TTC34: variants seen among roughly 807,000 people sequenced by gnomAD.
The protein encoded by TTC34 is tetratricopeptide repeat protein 34.
Under a neutral mutation model 40.7 loss-of-function variants are expected in TTC34, and 44 were observed. The ratio of observed to expected loss-of-function variants is 1.08; its 90% CI spans 0.85 to 1.39. TTC34 has a LOEUF of 1.39. Among genes scored for constraint, TTC34 ranks in the 40% most tolerant of loss-of-function variants. TTC34 has a pLI of 0.00. For synonymous variants in TTC34, 422 were observed against 398.6 expected, an observed-to-expected ratio of 1.06 and a Z score of -0.70; for missense variants, 884 against 838.0, an observed-to-expected ratio of 1.05 and a Z score of -0.68.
At position 2,755,698 on chromosome 1, in the gene TTC34, C is replaced by T. The variant is rs1207191146; in HGVS notation, c.2226+27911G>A. ...GCATCTGACATCGTGGAGCAGCACC[C>T]CAAACCCACAGGTGAGCATCCGACA... On this transcript the variant is annotated intron_variant, in intron 6 of 8. Coordinates refer to ENST00000401095, the Ensembl canonical transcript of TTC34. Among the ~76,000 whole-genome samples, 186 of 110,500 alleles carry T rather than the reference C, an allele frequency of 1.7e-3. 31 individuals carry two copies. Among genetic ancestry groups the T allele is most frequent in the African/African-American group, 7.2e-3 (173 of 23,954 alleles). 72.5% of individuals were successfully genotyped at this position (110,500 alleles called of 152,430 possible).
At chr1:2,652,940 T>A (rs55689720) in intron 6 of TTC34, among the ~76,000 whole-genome samples, 580 of 150,190 alleles carry the variant, frequency 3.9e-3, no homozygotes, top group African/African-American at 0.014. Flanking sequence ...CAGGCGAGCA[T>A]CTGACAGCCT....
intron 6 of TTC34, among the ~76,000 whole-genome samples, chr1:2,684,003 G>C (rs1640204511): frequency 6.7e-6 from 1 of 150,010 alleles, no homozygotes; most frequent in African/African-American, 2.5e-5. Flanking sequence ...ACCCCCAGGT[G>C]AGCATCTGAC....
At chr1:2,695,519 C>A (rs1374771469) in intron 6 of TTC34, among the ~76,000 whole-genome samples, 1 of 54,702 alleles carries the variant, frequency 1.8e-5, no homozygotes, top group Non-Finnish European at 4.1e-5. Context: ...ACCACACCCC[C>A]AGGCGAGTAT....
intron 6 of TTC34, among the ~76,000 whole-genome samples, chr1:2,686,718 C>G (rs993540111): frequency 1.4e-5 from 2 of 144,100 alleles, no homozygotes; most frequent in African/African-American, 2.6e-5. Flanking sequence ...GAACAGCACA[C>G]ACACCCCCAG....
At chr1:2,750,306 C>A (rs1479628101) in intron 6 of TTC34, among the ~76,000 whole-genome samples, 1 of 86,396 alleles carries the variant, frequency 1.2e-5, no homozygotes, top group South Asian at 4.3e-4. Context: ...ATCTGACAGA[C>A]TGGAACTGCA....
intron 6 of TTC34, among the ~76,000 whole-genome samples, chr1:2,781,721 A>G (rs1482980376): frequency 2.0e-5 from 3 of 152,178 alleles, no homozygotes; most frequent in Non-Finnish European, 4.4e-5. Context: ...GAGTATTCTT[A>G]TCATAAAAGG....
chr1:2,641,465 A>AC lies in TTC34; in HGVS notation c.3142dup (p.Val1048GlyfsTer48). 2.0e-6 allele frequency: 3 copies of AC among 1,535,598 alleles called. No homozygotes were observed. The highest frequency in any genetic ancestry group is 2.6e-6 in the Non-Finnish European group (3 of 1,146,672). ...GGGGTCCACCAGGAGGCCGCTCTCTACCGCCGTCCAGGCCTCTGCGTGACG... is the reference window on the plus strand; with the variant it reads ...GGGGTCCACCAGGAGGCCGCTCTCTACCCGCCGTCCAGGCCTCTGCGTGACG... On this transcript the variant is annotated frameshift_variant, in exon 9 of 9. Coordinates refer to ENST00000401095, the Ensembl canonical transcript of TTC34. LOFTEE classifies it high-confidence loss of function.
intron 6 of TTC34, among the ~76,000 whole-genome samples, chr1:2,698,535 T>C (rs796519672): frequency 2.6e-5 from 3 of 117,440 alleles, no homozygotes; most frequent in Admixed American, 8.2e-5. Context: ...CACCCCCAGG[T>C]GAGCATCGGG....
intron 5 of TTC34, among the ~76,000 whole-genome samples, chr1:2,784,130 C>T (rs1427586968): frequency 6.6e-6 from 1 of 152,062 alleles, no homozygotes; most frequent in Non-Finnish European, 1.5e-5. Context: ...TTACTGCATA[C>T]AAGACGAGGG....
intron 6 of TTC34, among the ~76,000 whole-genome samples, chr1:2,759,163 G>A (rs1178058249): frequency 0.011 from 529 of 47,134 alleles, no homozygotes; most frequent in East Asian, 0.031. Context: ...ACACCCCCAG[G>A]CGAGCATCTG....
At chr1:2,750,635 A>T (rs1486602708) in intron 6 of TTC34, among the ~76,000 whole-genome samples, 1 of 106,910 alleles carries the variant, frequency 9.4e-6, no homozygotes, top group Non-Finnish European at 2.0e-5. Context: ...AGCCTGGAGC[A>T]GCACCCACAC....
exon 8 of TTC34, chr1:2,644,417 C>T (rs1638976844): frequency 1.3e-6 from 2 of 1,536,076 alleles, no homozygotes; most frequent in Admixed American, 2.0e-5. Flanking sequence ...CCCGGGCTGC[C>T]TCTGACGTTG....
At chr1:2,692,514 T>C (rs796349371) in intron 6 of TTC34, among the ~76,000 whole-genome samples, 1,806 of 11,620 alleles carry the variant, frequency 0.16, 13 homozygotes, top group Middle Eastern at 0.29. Context: ...CCCCCAGGTG[T>C]GCACGTGACA....
Position 2,785,816 on chromosome 1 carries a change from T to C in TTC34, c.2059+3A>G. On this transcript the variant is annotated splice_donor_region_variant and intron_variant, in intron 5 of 8. Transcript: ENST00000401095. The stretch of plus-strand genomic sequence containing the variant: ...GCCCTGGGGGCAGGTGGGCAGCTCC[T>C]ACCTGCGGCAAAGATGGCCAGAGAC... 1 of 1,543,636 alleles carries C rather than the reference T, an allele frequency of 6.5e-7. No homozygotes were observed. Among genetic ancestry groups the C allele is most frequent in the East Asian group, 2.5e-5 (1 of 40,344 alleles).
chr1:2,673,398 C>A (rs1480492394), intron 6 of TTC34, among the ~76,000 whole-genome samples: 13 of 78,768 alleles, frequency 1.7e-4, no homozygotes, highest in Non-Finnish European at 3.0e-4. Context: ...ACCCACACCC[C>A]CAGGTGAGCA....
intron 6 of TTC34, among the ~76,000 whole-genome samples, chr1:2,693,136 G>GC (rs1640703163): frequency 1.4e-5 from 1 of 73,856 alleles, no homozygotes; most frequent in African/African-American, 5.0e-5. Flanking sequence ...GCCTGGAGCA[G>GC]AACCCACACC....
chr1:2,750,187 TG>T (rs1641268806), intron 6 of TTC34, among the ~76,000 whole-genome samples: 1 of 152,098 alleles, frequency 6.6e-6, no homozygotes, highest in African/African-American at 2.4e-5. Context: ...TCTGACAGCC[TG>T]GGTCGGCACC....
In TTC34 at chr1:2,789,158, GCGGTGC is replaced by G. The variant is rs1643629641; in HGVS notation, c.1628+339_1628+344del. 1.6e-4 allele frequency among the ~76,000 whole-genome samples: 25 copies of G among 152,328 alleles called. 1 individual carries two copies. In the South Asian group the frequency reaches 5.2e-3, roughly 32 times the overall value. On this transcript the variant is annotated intron_variant, in intron 3 of 8. Coordinates refer to ENST00000401095, the Ensembl canonical transcript of TTC34. ...AGTAGTGGCAGGGGCGCAGGTCGGG[GCGGTGC>G]TGCCGGAAACACATTTAGCCACAAA...
At chr1:2,649,796 G>A (rs534286857) in intron 6 of TTC34, among the ~76,000 whole-genome samples, 16 of 152,168 alleles carry the variant, frequency 1.1e-4, no homozygotes, top group African/African-American at 2.2e-4. Flanking sequence ...TTACAAGCAC[G>A]AGTCATCGCA....
Sources: gnomAD v4.1 joint callset for allele counts (sites outside exome capture counted in the v4.1 genomes callset) on GRCh38, gnomAD v4.1.1 for gene constraint, MANE v1.5 for transcripts, NCBI Gene and HGNC (gene_info 2026-07-23, HGNC 2026-07-21) for gene names.